Variants in MTRF1L observed in about 807,000 individuals in gnomAD.
MTRF1L encodes mitochondrial translation release factor 1 like, also known as peptide chain release factor 1-like, mitochondrial.
In MTRF1L, 29 loss-of-function variants were observed where a neutral mutation model predicts 40.0. That is an observed-to-expected ratio of 0.73 (90% CI 0.54 to 0.99). The LOEUF (loss-of-function observed/expected upper bound fraction) is 0.99. Among genes scored for constraint, MTRF1L ranks in the 50% least tolerant of loss-of-function variants. The pLI, the probability that MTRF1L is intolerant of heterozygous loss-of-function variation, is 0.00. For synonymous variants in MTRF1L, 150 were observed against 175.8 expected, an observed-to-expected ratio of 0.85 and a Z score of 1.16; for missense variants, 412 against 464.5, an observed-to-expected ratio of 0.89 and a Z score of 1.04.
intron 2 of MTRF1L, among the ~76,000 whole-genome samples, chr6:152,995,774 A>T (rs1428442867): frequency 6.6e-6 from 1 of 152,226 alleles, no homozygotes; most frequent in Non-Finnish European, 1.5e-5. Context: ...ATTATGGAAG[A>T]GAAACTTGTA....
At chr6:152,998,710 G>T in intron 1 of MTRF1L, 81 bp from the exon 2 acceptor site, 3 of 888,502 alleles carry the variant, frequency 3.4e-6, no homozygotes, top group Non-Finnish European at 5.0e-6. Flanking sequence ...TAGTTTTATG[G>T]TTATTATAGC....
At chr6:152,991,981 G>C (rs1036212228) in intron 5 of MTRF1L, among the ~76,000 whole-genome samples, 1 of 152,090 alleles carries the variant, frequency 6.6e-6, no homozygotes, top group Non-Finnish European at 1.5e-5. Flanking sequence ...TACGATACAT[G>C]AAAAATCCTA....
chr6:153,002,665 C>T lies in MTRF1L; in HGVS notation c.21G>A (p.Trp7Ter). Residue 7 changes from tryptophan (W) to a stop codon, truncating the protein, a stop_gained, in exon 1 of 7, where the codon TGG (tryptophan) becomes TGA (stop). Transcript: ENST00000367233. LOFTEE classifies it high-confidence loss of function. Reference protein sequence around the residue: MRSRVLWGAARWLWPRR... With the variant: MRSRVL ...GGGGCCAGAGCCACCGGGCAGCGCC[C>T]CACAGAACCCGGGACCGCATCCTTA... The T allele has an allele frequency of 3.3e-6, 5 of 1,499,898 alleles. No homozygotes were observed. Among genetic ancestry groups the T allele is most frequent in the Non-Finnish European group, 4.4e-6 (5 of 1,129,278 alleles). The allele number at this position is 1,499,898 out of a possible 1,614,324, so 92.9% of individuals were successfully genotyped here.
At chr6:153,001,064 G>T (rs1778899319) in intron 1 of MTRF1L, among the ~76,000 whole-genome samples, 1 of 151,872 alleles carries the variant, frequency 6.6e-6, no homozygotes, top group Non-Finnish European at 1.5e-5. Context: ...GTAGAGACAG[G>T]GTTTTGCCAT....
intron 4 of MTRF1L, among the ~76,000 whole-genome samples, chr6:152,994,013 ACTC>A (rs1451071106): frequency 1.3e-5 from 2 of 152,130 alleles, no homozygotes; most frequent in Non-Finnish European, 2.9e-5. Flanking sequence ...GCAAAACAGA[ACTC>A]CTACACTAAG....
chr6:152,993,030 G>A, intron 4 of MTRF1L, 56 bp from the exon 5 acceptor site: 1 of 1,335,718 alleles, frequency 7.5e-7, no homozygotes, highest in Non-Finnish European at 1.1e-6. Context: ...CTTTATAAAG[G>A]CAAGAGCGAC....
intron 1 of MTRF1L, among the ~76,000 whole-genome samples, chr6:153,000,523 A>G (rs563966064): frequency 1.3e-5 from 2 of 152,170 alleles, no homozygotes; most frequent in African/African-American, 4.8e-5. Context: ...GAATATTATA[A>G]ATCAACATAT....
At chr6:153,000,740 A>G (rs1778884121) in intron 1 of MTRF1L, among the ~76,000 whole-genome samples, 1 of 152,142 alleles carries the variant, frequency 6.6e-6, no homozygotes, top group South Asian at 2.1e-4. Context: ...AAGCTGTTAC[A>G]CTGGATTCTA....
Position 152,989,818 on chromosome 6 carries a change from G to A in MTRF1L, c.*77C>T. ...TGTTAACTCAACGTTTTTCAAGAGA[G>A]TAAGGGTACTTTCACCCTATGTGGA... On this transcript the variant is annotated 3_prime_UTR_variant, in exon 7 of 7. Transcript: ENST00000367233. The A allele has an allele frequency of 6.8e-7, 1 of 1,467,262 alleles. No individual in the cohort carries two copies. Among genetic ancestry groups the A allele is most frequent in the Non-Finnish European group, 9.1e-7 (1 of 1,101,444 alleles). The allele number at this position is 1,467,262 out of a possible 1,614,324, so 90.9% of individuals were successfully genotyped here. A position where few individuals can be genotyped will look rare whatever the true frequency, so the allele number is the denominator to read the frequency against.
In MTRF1L at chr6:152,989,871, A is replaced by C. The variant is rs776663628; in HGVS notation, c.*24T>G. ...TACTGTAGAATTTTTCTAAGCTACG[A>C]AAGTCTATAAATAACAAATCAACTT... On this transcript the variant is annotated 3_prime_UTR_variant, in exon 7 of 7. Transcript: ENST00000367233. 4 of 1,580,302 alleles carry C rather than the reference A, an allele frequency of 2.5e-6. No individual in the cohort carries two copies. The highest frequency in any genetic ancestry group is 3.4e-6 in the Non-Finnish European group (4 of 1,167,948).
chr6:152,997,922 G>T (rs1778768528), intron 2 of MTRF1L, among the ~76,000 whole-genome samples: 1 of 151,970 alleles, frequency 6.6e-6, no homozygotes, highest in African/African-American at 2.4e-5. Flanking sequence ...ATATAAAAAA[G>T]ACTACATTGA....
chr6:152,990,341 T>TA (rs1778462702), intron 6 of MTRF1L: 4 of 517,020 alleles, frequency 7.7e-6, no homozygotes, highest in Non-Finnish European at 1.3e-5. Context: ...TCGGGCAACT[T>TA]AGTTTCCCGA....
intron 5 of MTRF1L, 160 bp from the exon 6 acceptor site, chr6:152,991,481 CAG>C (rs1308630401): frequency 3.9e-6 from 3 of 768,924 alleles, no homozygotes; most frequent in Non-Finnish European, 5.6e-6. Flanking sequence ...TTAACTTTTG[CAG>C]AGTTTATCAG....
At chr6:152,993,308 T>C (rs1778594791) in intron 4 of MTRF1L, among the ~76,000 whole-genome samples, 1 of 152,084 alleles carries the variant, frequency 6.6e-6, no homozygotes, top group Non-Finnish European at 1.5e-5. Flanking sequence ...TTAAGGTTTT[T>C]TCAAATTTTT....
Position 152,991,179 on chromosome 6 carries a change from T to A in MTRF1L, c.942+6A>T. On this transcript the variant is annotated splice_donor_region_variant and intron_variant, in intron 6 of 6. Coordinates refer to ENST00000367233, the MANE Select transcript of MTRF1L (RefSeq NM_019041.7). ...TTTAAAAGCATTTTTAAAATTCTTT[T>A]TTTACCTGAATTTTTCTAGCATTCT... 6.7e-7 allele frequency: 1 copy of A among 1,503,200 alleles called. No individual in the cohort carries two copies. Among genetic ancestry groups the A allele is most frequent in the Non-Finnish European group, 8.9e-7 (1 of 1,124,042 alleles). The allele number at this position is 1,503,200 out of a possible 1,614,324, so 93.1% of individuals were successfully genotyped here.
intron 1 of MTRF1L, among the ~76,000 whole-genome samples, chr6:153,001,534 C>G (rs1778917713): frequency 6.6e-6 from 1 of 152,116 alleles, no homozygotes; most frequent in African/African-American, 2.4e-5. Flanking sequence ...ATATGGCATT[C>G]AATGCAAAAC....
chr6:153,002,673 C>T lies in MTRF1L; in HGVS notation c.13G>A (p.Val5Ile), dbSNP rs754166346. The T allele has an allele frequency of 3.8e-5, 57 of 1,490,630 alleles. 2 individuals are homozygous for T. In the South Asian group the frequency reaches 7.5e-4, roughly 20 times the overall value. The allele number at this position is 1,490,630 out of a possible 1,614,324, so 92.3% of individuals were successfully genotyped here. A position where few individuals can be genotyped will look rare whatever the true frequency, so the allele number is the denominator to read the frequency against. MRSR[V>I]LWGAARWLWP... ...AGCCACCGGGCAGCGCCCCACAGAACCCGGGACCGCATCCTTAGTCCGAGA... is the reference window on the plus strand; with the variant it reads ...AGCCACCGGGCAGCGCCCCACAGAATCCGGGACCGCATCCTTAGTCCGAGA... Residue 5 changes from valine (V) to isoleucine (I), a missense_variant, in exon 1 of 7, where the codon GTT (valine) becomes ATT (isoleucine). Transcript: ENST00000367233.
intron 1 of MTRF1L, 100 bp from the exon 2 acceptor site, chr6:152,998,729 A>G: frequency 1.5e-6 from 1 of 672,918 alleles, no homozygotes; most frequent in Non-Finnish European, 2.3e-6. Flanking sequence ...GCTGAAGGGA[A>G]AAATAAAATG....
chr6:152,991,040 A>G, intron 6 of MTRF1L, 145 bp downstream of exon 6: 1 of 510,952 alleles, frequency 2.0e-6, no homozygotes. Flanking sequence ...TAAGATTACT[A>G]TCAAAGAAGG....
Sources: gnomAD v4.1 joint callset for allele counts (sites outside exome capture counted in the v4.1 genomes callset) on GRCh38, gnomAD v4.1.1 for gene constraint, MANE v1.5 for transcripts, NCBI Gene and HGNC (gene_info 2026-07-23, HGNC 2026-07-21) for gene names.